Variants in TENM4 observed in about 807,000 individuals in gnomAD.
TENM4 encodes the protein teneurin transmembrane protein 4.
TENM4 carries 82 observed loss-of-function variants against 243.3 expected under a neutral mutation model. The observed-to-expected ratio is 0.34, with a 90% CI of 0.28 to 0.40. TENM4 has a LOEUF of 0.40. TENM4 is among the 10% of genes least tolerant of loss of function. TENM4 has a pLI of 1.00. For synonymous variants in TENM4, 1,412 were observed against 1,456.3 expected, an observed-to-expected ratio of 0.97 and a Z score of 0.69; for missense variants, 3,138 against 3,673.3, an observed-to-expected ratio of 0.85 and a Z score of 3.77.
chr11:79,299,750 G>A (rs1856520883), intron 1 of TENM4, among the ~76,000 whole-genome samples: 1 of 152,224 alleles, frequency 6.6e-6, no homozygotes, highest in African/African-American at 2.4e-5. Flanking sequence ...CAGGGGAAGT[G>A]GAAGAAAGTG....
At position 78,825,740 on chromosome 11, in the gene TENM4, A is replaced by G. The variant is rs192294259; in HGVS notation, c.1682-11345T>C. On this transcript the variant is annotated intron_variant, in intron 12 of 33. Coordinates refer to ENST00000278550, the MANE Select transcript of TENM4 (RefSeq NM_001098816.3). ...AGCAGTTCTGGGCAAGATGGAGGTCAAGTAAGAGTAAGAGCCAGATCCAGA... is the reference window on the plus strand; with the variant it reads ...AGCAGTTCTGGGCAAGATGGAGGTCGAGTAAGAGTAAGAGCCAGATCCAGA... Among the ~76,000 whole-genome samples the G allele has an allele frequency of 2.4e-4, 37 of 152,352 alleles. 1 individual carries two copies. The East Asian group carries it at 4.8e-3, about 20-fold the overall frequency.
intron 12 of TENM4, among the ~76,000 whole-genome samples, chr11:78,830,891 T>G (rs771061162): frequency 2.1e-4 from 32 of 152,186 alleles, no homozygotes; most frequent in Admixed American, 5.9e-4. Context: ...CAGATCCAAG[T>G]TTTTAATAAT....
intron 6 of TENM4, among the ~76,000 whole-genome samples, chr11:78,994,155 G>A (rs1374601631): frequency 1.3e-5 from 2 of 152,204 alleles, no homozygotes; most frequent in Admixed American, 6.5e-5. Flanking sequence ...AGCCTAGGAA[G>A]TTCAACAAGG....
chr11:78,837,699 G>A (rs912610993), intron 12 of TENM4, among the ~76,000 whole-genome samples: 1 of 152,080 alleles, frequency 6.6e-6, no homozygotes, highest in Non-Finnish European at 1.5e-5. Context: ...AAATTACCTT[G>A]TTATTAATAC....
At position 78,983,423 on chromosome 11, in the gene TENM4, A is replaced by G. The variant is rs1025059127; in HGVS notation, c.494-79900T>C. On this transcript the variant is annotated intron_variant, in intron 6 of 33. Transcript: ENST00000278550. ...GATGAAAACTACTGCTATTGTCACA[A>G]GTCAGCTAAACTGTGCCCTAGTCTG... Among the ~76,000 whole-genome samples, 4 of 152,352 alleles carry G rather than the reference A, an allele frequency of 2.6e-5. No homozygotes were observed. The East Asian group carries it at 7.7e-4, about 29-fold the overall frequency.
intron 4 of TENM4, among the ~76,000 whole-genome samples, chr11:79,107,102 G>T (rs1216963999): frequency 2.0e-5 from 3 of 152,140 alleles, no homozygotes; most frequent in Non-Finnish European, 4.4e-5. Context: ...TGAGGAACAG[G>T]TGGCACAGAG....
chr11:79,152,201 G>C (rs1286885910), intron 3 of TENM4, among the ~76,000 whole-genome samples: 1 of 152,144 alleles, frequency 6.6e-6, no homozygotes, highest in African/African-American at 2.4e-5. Flanking sequence ...TAATATGTTG[G>C]TGTGGTGGCT....
intron 28 of TENM4, among the ~76,000 whole-genome samples, chr11:78,696,294 G>A (rs555310522): frequency 3.3e-5 from 5 of 151,960 alleles, no homozygotes; most frequent in African/African-American, 7.2e-5. Context: ...CACATTGTTC[G>A]CCTTTTCCAT....
chr11:78,988,076 G>A (rs955000933), intron 6 of TENM4, among the ~76,000 whole-genome samples: 4 of 152,182 alleles, frequency 2.6e-5, no homozygotes, highest in Non-Finnish European at 4.4e-5. Context: ...GATACCAATA[G>A]GATATTGTGG....
chr11:78,739,948 T>C (rs1855882903), intron 19 of TENM4, among the ~76,000 whole-genome samples: 1 of 152,208 alleles, frequency 6.6e-6, no homozygotes, highest in Middle Eastern at 3.2e-3. Flanking sequence ...GGTCCCACTC[T>C]AACCAGTCAC....
Position 78,732,553 on chromosome 11 carries a change from G to A in TENM4, c.2901C>T (p.Gly967=). 6.2e-7 allele frequency: 1 copy of A among 1,605,552 alleles called. No homozygotes were observed. The highest frequency in any genetic ancestry group is 8.5e-7 in the Non-Finnish European group (1 of 1,173,560). ...DGSFDLVTNG[G]ISIILRFERA... ...GCTCGAACCGCAGGATGATGGAGAT[G>A]CCGCCATTTGTCACCAAGTCAAAGC... The change falls in exon 21 of 34, where the codon GGC becomes GGT. Residue 967 remains glycine, a synonymous_variant. Coordinates refer to ENST00000278550, the MANE Select transcript of TENM4 (RefSeq NM_001098816.3).
chr11:79,330,851 C>A (rs1857050461), intron 1 of TENM4, among the ~76,000 whole-genome samples: 1 of 152,210 alleles, frequency 6.6e-6, no homozygotes, highest in African/African-American at 2.4e-5. Flanking sequence ...CCTGGGGCCA[C>A]CGCAGACAAG....
At chr11:79,328,963 T>C (rs995674580) in intron 1 of TENM4, among the ~76,000 whole-genome samples, 1 of 152,102 alleles carries the variant, frequency 6.6e-6, no homozygotes, top group African/African-American at 2.4e-5. Context: ...AAGTTTCCCA[T>C]AGGAAAAGCT....
intron 1 of TENM4, among the ~76,000 whole-genome samples, chr11:79,379,639 G>A (rs57602129): frequency 0.11 from 16,019 of 152,220 alleles, 1,061 homozygotes; most frequent in African/African-American, 0.18. Flanking sequence ...TGAAGTCAGT[G>A]CTCATGTTAT....
intron 2 of TENM4, among the ~76,000 whole-genome samples, chr11:79,230,671 G>C (rs1179135857): frequency 6.6e-6 from 1 of 152,206 alleles, no homozygotes; most frequent in East Asian, 1.9e-4. Flanking sequence ...AGTCAAGTGT[G>C]ATCTAAGGCA....
chr11:78,767,254 C>T (rs146175807), intron 18 of TENM4, among the ~76,000 whole-genome samples: 1 of 152,316 alleles, frequency 6.6e-6, no homozygotes, highest in African/African-American at 2.4e-5. Flanking sequence ...AATCGCTAAG[C>T]TTCCTTTTCC....
chr11:79,152,516 C>T (rs894161426), intron 3 of TENM4, among the ~76,000 whole-genome samples: 3 of 152,196 alleles, frequency 2.0e-5, no homozygotes, highest in African/African-American at 7.2e-5. Flanking sequence ...CTAGATATAT[C>T]ATGGCTGTAA....
At chr11:79,026,962 T>C (rs1004312199) in intron 6 of TENM4, among the ~76,000 whole-genome samples, 7 of 151,936 alleles carry the variant, frequency 4.6e-5, no homozygotes, top group Non-Finnish European at 7.4e-5. Context: ...AGTAAGTGAG[T>C]GGGCTAGGGA....
At chr11:79,048,719 T>G (rs1033255688) in intron 6 of TENM4, among the ~76,000 whole-genome samples, 1 of 152,168 alleles carries the variant, frequency 6.6e-6, no homozygotes, top group African/African-American at 2.4e-5. Context: ...CTGGGCCTTT[T>G]CTGTACCCGG....
Sources: allele counts gnomAD v4.1 joint callset (sites outside exome capture counted in the v4.1 genomes callset), GRCh38; gene constraint gnomAD v4.1.1; transcripts MANE v1.5; gene names NCBI Gene and HGNC (gene_info 2026-07-23, HGNC 2026-07-21).